The following LRRC4C variants were observed in gnomAD, a reference collection of about 807,000 sequenced individuals.
The protein encoded by LRRC4C is leucine-rich repeat-containing protein 4C.
LRRC4C carries 5 observed loss-of-function variants against 33.6 expected under a neutral mutation model. That is an observed-to-expected ratio of 0.15 (90% confidence interval 0.08 to 0.31). The LOEUF (loss-of-function observed/expected upper bound fraction) is 0.31. Among genes scored for constraint, LRRC4C ranks in the 10% least tolerant of loss-of-function variants. The pLI is 1.00. For synonymous variants in LRRC4C, 329 were observed against 302.0 expected, an observed-to-expected ratio of 1.09 and a Z score of -0.93; for missense variants, 560 against 796.7, an observed-to-expected ratio of 0.70 and a Z score of 3.58.
chr11:40,558,205 T>G (rs1957405209), intron 3 of LRRC4C, among the ~76,000 whole-genome samples: 1 of 152,232 alleles, frequency 6.6e-6, no homozygotes, highest in Non-Finnish European at 1.5e-5. Context: ...AAAATGAATG[T>G]ACTGAATGAT....
chr11:40,690,238 G>T (rs1945164640), intron 2 of LRRC4C, among the ~76,000 whole-genome samples: 1 of 152,020 alleles, frequency 6.6e-6, no homozygotes, highest in Non-Finnish European at 1.5e-5. Flanking sequence ...TTTATTAACT[G>T]ATTTAATTCT....
At chr11:40,535,738 CAT>C (rs1379195401) in intron 3 of LRRC4C, among the ~76,000 whole-genome samples, 1 of 152,146 alleles carries the variant, frequency 6.6e-6, no homozygotes, top group Non-Finnish European at 1.5e-5. Flanking sequence ...TTAGACCAGA[CAT>C]GTGAAGAAGG....
chr11:40,568,624 T>G (rs565509674), intron 3 of LRRC4C, among the ~76,000 whole-genome samples: 1 of 152,316 alleles, frequency 6.6e-6, no homozygotes, highest in East Asian at 1.9e-4. Context: ...TTGATTGATA[T>G]GAGCAGAAAC....
At chr11:41,368,038 C>A (rs1315350836) in intron 1 of LRRC4C, among the ~76,000 whole-genome samples, 1 of 152,110 alleles carries the variant, frequency 6.6e-6, no homozygotes, top group African/African-American at 2.4e-5. Context: ...AAATTACTTT[C>A]AATGTGATAA....
At chr11:40,868,021 A>G (rs754540007) in intron 2 of LRRC4C, among the ~76,000 whole-genome samples, 1 of 152,150 alleles carries the variant, frequency 6.6e-6, no homozygotes, top group Non-Finnish European at 1.5e-5. Context: ...CTCCAGAAAA[A>G]GAGAGCTAGG....
intron 2 of LRRC4C, among the ~76,000 whole-genome samples, chr11:40,651,051 C>T (rs1222253017): frequency 6.6e-6 from 1 of 152,182 alleles, no homozygotes; most frequent in East Asian, 1.9e-4. Context: ...ATTTGCCAGT[C>T]AGGTAAGTCT....
rs994689972 is a variant in LRRC4C at position 40,788,965 on chromosome 11, C to T, written c.-406-140687G>A. Among the ~76,000 whole-genome samples, 3 of 151,806 alleles carry T rather than the reference C, an allele frequency of 2.0e-5. No individual in the cohort carries two copies. The South Asian group carries it at 6.2e-4, about 32-fold the overall frequency. On this transcript the variant is annotated intron_variant, in intron 2 of 6. Coordinates refer to ENST00000528697, the MANE Select transcript of LRRC4C (RefSeq NM_001258419.2). ...AAAATTAGCTGGGCATGGTAGCGGG[C>T]GCCTGTAGTCCCAGCTACTTGGAAG...
intron 1 of LRRC4C, among the ~76,000 whole-genome samples, chr11:41,254,601 T>G (rs186086650): frequency 4.6e-5 from 7 of 152,112 alleles, no homozygotes; most frequent in Admixed American, 4.6e-4. Context: ...ATATTAATAT[T>G]TCCCTTCAGA....
At chr11:40,765,077 C>T (rs1949387597) in intron 2 of LRRC4C, among the ~76,000 whole-genome samples, 4 of 152,260 alleles carry the variant, frequency 2.6e-5, no homozygotes, top group South Asian at 4.1e-4. Flanking sequence ...AACACGACTT[C>T]GCCAAACAAA....
chr11:41,391,309 C>T (rs1207578051), intron 1 of LRRC4C, among the ~76,000 whole-genome samples: 2 of 151,688 alleles, frequency 1.3e-5, no homozygotes, highest in African/African-American at 4.8e-5. Context: ...GAAAATGAAT[C>T]AGGGGTTACC....
intron 1 of LRRC4C, among the ~76,000 whole-genome samples, chr11:41,366,958 T>A (rs1952566889): frequency 1.3e-5 from 2 of 152,178 alleles, no homozygotes; most frequent in Admixed American, 6.5e-5. Context: ...AGGGATGATG[T>A]TAATAGAGAC....
intron 1 of LRRC4C, among the ~76,000 whole-genome samples, chr11:41,391,985 C>T (rs559497655): frequency 8.0e-4 from 122 of 151,858 alleles, no homozygotes; most frequent in African/African-American, 2.7e-3. Context: ...ACCTGGTTAG[C>T]AGGTAGAATA....
chr11:40,299,741 A>G (rs1006885438), intron 4 of LRRC4C, among the ~76,000 whole-genome samples: 10 of 152,184 alleles, frequency 6.6e-5, no homozygotes, highest in African/African-American at 2.4e-4. Context: ...AGATGAATGA[A>G]CTGTCCACTT....
chr11:41,456,429 T>C (rs958007810), intron 1 of LRRC4C, among the ~76,000 whole-genome samples: 13 of 152,052 alleles, frequency 8.5e-5, no homozygotes, highest in African/African-American at 3.1e-4. Flanking sequence ...CAACCCTGTT[T>C]GTTACAGAGG....
At chr11:41,349,407 C>T (rs1951901588) in intron 1 of LRRC4C, among the ~76,000 whole-genome samples, 2 of 152,012 alleles carry the variant, frequency 1.3e-5, no homozygotes, top group Admixed American at 1.3e-4. Context: ...ACTGGGAACA[C>T]CTCAACCCCT....
intron 2 of LRRC4C, among the ~76,000 whole-genome samples, chr11:40,725,642 G>C (rs997460126): frequency 4.6e-5 from 7 of 152,036 alleles, no homozygotes; most frequent in African/African-American, 1.7e-4. Flanking sequence ...ATCATACCTT[G>C]GGTGGAGATT....
chr11:40,345,318 C>A (rs1449736223), intron 3 of LRRC4C, among the ~76,000 whole-genome samples: 1 of 152,074 alleles, frequency 6.6e-6, no homozygotes, highest in Non-Finnish European at 1.5e-5. Context: ...GCCACAGTAA[C>A]CAAAACAGCA....
At chr11:40,641,882 A>G (rs533775766) in intron 3 of LRRC4C, among the ~76,000 whole-genome samples, 1 of 152,310 alleles carries the variant, frequency 6.6e-6, no homozygotes, top group African/African-American at 2.4e-5. Context: ...CTGGAAAGTC[A>G]TTGTTTATGT....
At chr11:40,835,317 A>C (rs1192063218) in intron 2 of LRRC4C, among the ~76,000 whole-genome samples, 1 of 152,170 alleles carries the variant, frequency 6.6e-6, no homozygotes, top group Non-Finnish European at 1.5e-5. Context: ...TTATTATTAG[A>C]CTCAAAAGAC....
Sources: gnomAD v4.1 joint callset for allele counts (sites outside exome capture counted in the v4.1 genomes callset) on GRCh38, gnomAD v4.1.1 for gene constraint, MANE v1.5 for transcripts, NCBI Gene and HGNC (gene_info 2026-07-23, HGNC 2026-07-21) for gene names.